Variants in METTL4 observed in about 807,000 individuals in gnomAD.
METTL4 encodes the protein N(6)-adenine-specific methyltransferase METTL4.
METTL4 carries 40 observed loss-of-function variants against 54.0 expected under a neutral mutation model. The ratio of observed to expected loss-of-function variants is 0.74; its 90% confidence interval spans 0.58 to 0.96. The LOEUF is 0.96. Among genes scored for constraint, METTL4 ranks in the 50% least tolerant of loss-of-function variants. The pLI, the probability that METTL4 is intolerant of heterozygous loss-of-function variation, is 0.00. For synonymous variants in METTL4, 169 were observed against 183.8 expected, an observed-to-expected ratio of 0.92 and a Z score of 0.65; for missense variants, 525 against 549.0, an observed-to-expected ratio of 0.96 and a Z score of 0.44.
intron 3 of METTL4, among the ~76,000 whole-genome samples, chr18:2,558,145 G>T (rs932166362): frequency 6.6e-6 from 1 of 152,008 alleles, no homozygotes; most frequent in African/African-American, 2.4e-5. Flanking sequence ...TTTTTGGAAA[G>T]AATATGTATA....
At chr18:2,564,889 A>T (rs1226169980) in intron 2 of METTL4, among the ~76,000 whole-genome samples, 1 of 152,214 alleles carries the variant, frequency 6.6e-6, no homozygotes, top group East Asian at 1.9e-4. Context: ...TTATTATCTG[A>T]ATTACTTATA....
rs1008277949 is a variant in METTL4, at chr18:2,540,364, G to A, written c.1274-1219C>T. 1.1e-5 allele frequency: 11 copies of A among 980,332 alleles called. No homozygotes were observed. In the African/African-American group the frequency reaches 1.9e-4, roughly 17 times the overall value. The allele number at this position is 980,332 out of a possible 1,614,324, so 60.7% of individuals were successfully genotyped here. A position where few individuals can be genotyped will look rare whatever the true frequency, so the allele number is the denominator to read the frequency against. On this transcript the variant is annotated intron_variant, in intron 8 of 8. Transcript: ENST00000574538. ...TAATTGCTATGTAAGATTGCGCTTGGAAGAAATCTATCAAATTTAGGAATG... is the reference window on the plus strand; with the variant it reads ...TAATTGCTATGTAAGATTGCGCTTGAAAGAAATCTATCAAATTTAGGAATG...
chr18:2,562,772 G>A (rs1301282894), intron 3 of METTL4, among the ~76,000 whole-genome samples: 1 of 152,068 alleles, frequency 6.6e-6, no homozygotes, highest in Non-Finnish European at 1.5e-5. Context: ...CTGGGGGACG[G>A]GGGGATGGGG....
rs1277392475 is a variant in METTL4 at position 2,571,465 on chromosome 18, C to G, written c.-755G>C. ...GTTCCTGGGGTGACGCAGCTGGGCGCGACCAGCACGCAGCCTTCCAGCGAC... is the reference window on the plus strand; with the variant it reads ...GTTCCTGGGGTGACGCAGCTGGGCGGGACCAGCACGCAGCCTTCCAGCGAC... On this transcript the variant is annotated 5_prime_UTR_variant, in exon 1 of 9. Transcript: ENST00000574538. The G allele has an allele frequency of 3.3e-5, 5 of 152,212 alleles. No individual in the cohort carries two copies. The highest frequency in any genetic ancestry group is 3.3e-4 in the Admixed American group (5 of 15,284). 9.4% of individuals were successfully genotyped at this position (152,212 alleles called of 1,614,324 possible). A position where few individuals can be genotyped will look rare whatever the true frequency, so the allele number is the denominator to read the frequency against.
At chr18:2,554,624 C>T (rs753099772) in intron 4 of METTL4, 45 bp downstream of exon 4, 159 of 1,559,126 alleles carry the variant, frequency 1.0e-4, no homozygotes, top group Non-Finnish European at 1.2e-4. Flanking sequence ...TTTCAGCCCA[C>T]GGAAAAATTA....
intron 2 of METTL4, among the ~76,000 whole-genome samples, chr18:2,566,532 T>C (rs1191636162): frequency 1.3e-5 from 2 of 152,170 alleles, no homozygotes; most frequent in Non-Finnish European, 2.9e-5. Context: ...GTTTTTTGTT[T>C]GGCTTTTTGT....
In METTL4 at chr18:2,540,953, G is replaced by A. The variant is rs993878318; in HGVS notation, c.1274-1808C>T. 4 of 977,424 alleles carry A rather than the reference G, an allele frequency of 4.1e-6. No individual in the cohort carries two copies. The African/African-American group carries it at 5.3e-5, about 13-fold the overall frequency. 60.5% of individuals were successfully genotyped at this position (977,424 alleles called of 1,614,324 possible). A position where few individuals can be genotyped will look rare whatever the true frequency, so the allele number is the denominator to read the frequency against. ...ATCAGTGTTATAAAACTTAAACAAA[G>A]GAAGCAGAATATCCATGTTTTATGA... On this transcript the variant is annotated intron_variant, in intron 8 of 8. Coordinates refer to ENST00000574538, the MANE Select transcript of METTL4 (RefSeq NM_022840.5).
rs769246209 is a variant in METTL4 at position 2,547,370 on chromosome 18, C to T, written c.1059G>A (p.Glu353=). The part of the protein sequence containing the change: ...YPSWSVEVVA[E]WHWVKITNSG... Reference sequence around the variant, plus strand: ...CTGAACTTACTTTTACCCAGTGCCACTCAGCAACTACCTCCACAGACCAAG... The same window carrying T: ...CTGAACTTACTTTTACCCAGTGCCATTCAGCAACTACCTCCACAGACCAAG... Residue 353 remains glutamate (E), a synonymous_variant, in exon 6 of 9, where the codon GAG becomes GAA. Transcript: ENST00000574538. The T allele has an allele frequency of 6.3e-7, 1 of 1,578,854 alleles. No individual in the cohort carries two copies. Among genetic ancestry groups the T allele is most frequent in the Non-Finnish European group, 8.6e-7 (1 of 1,165,830 alleles).
chr18:2,554,761 T>A lies in METTL4; in HGVS notation c.737A>T (p.Lys246Ile). ...RVVENNSSFT[K>I]VITLMGQKYL... The stretch of plus-strand genomic sequence containing the variant: ...TTTCTGTCCCATTAAAGTAATCACT[T>A]TTGTAAAGCTAGAGTTGTTTTCAAC... Residue 246 changes from lysine (K) to isoleucine (I), a missense_variant, in exon 4 of 9, where the codon AAA becomes ATA. Coordinates refer to ENST00000574538, the MANE Select transcript of METTL4 (RefSeq NM_022840.5). 2 of 1,613,716 alleles carry A rather than the reference T, an allele frequency of 1.2e-6. No individual in the cohort carries two copies. The highest frequency in any genetic ancestry group is 1.7e-6 in the Non-Finnish European group (2 of 1,179,820).
intron 1 of METTL4, among the ~76,000 whole-genome samples, chr18:2,570,733 G>T (rs1231759081): frequency 6.6e-6 from 1 of 152,100 alleles, no homozygotes; most frequent in East Asian, 1.9e-4. Context: ...GAAACTCAGA[G>T]CAGAAAGGCA....
intron 6 of METTL4, among the ~76,000 whole-genome samples, chr18:2,546,664 G>C (rs898615083): frequency 6.6e-6 from 1 of 152,102 alleles, no homozygotes; most frequent in African/African-American, 2.4e-5. Context: ...GGCGTTTATA[G>C]AAATCATCTA....
At chr18:2,564,927 C>G (rs1376974157) in intron 2 of METTL4, among the ~76,000 whole-genome samples, 1 of 152,082 alleles carries the variant, frequency 6.6e-6, no homozygotes, top group Non-Finnish European at 1.5e-5. Flanking sequence ...ACTAAGACCT[C>G]GGACAATGCT....
Position 2,567,173 on chromosome 18 carries a change from T to C in METTL4, c.44A>G (p.His15Arg). ...GTTTATCTTGTTGATAAAAGAAAGA[T>C]GATCCAGTAACCACCCAGCTGACAA... ...HQLSAGWLLD[H>R]LSFINKINYQ... Residue 15 changes from histidine to arginine, a missense_variant, in exon 2 of 9, where the codon CAT becomes CGT. Coordinates refer to ENST00000574538, the MANE Select transcript of METTL4 (RefSeq NM_022840.5). The C allele has an allele frequency of 1.2e-6, 2 of 1,613,538 alleles. No individual in the cohort carries two copies. The highest frequency in any genetic ancestry group is 1.1e-5 in the South Asian group (1 of 90,976).
At chr18:2,562,363 A>G (rs1598354641) in intron 3 of METTL4, 1 of 152,366 alleles carries the variant, frequency 6.6e-6, no homozygotes, top group East Asian at 1.9e-4. Context: ...ACACGGTGAG[A>G]CCCTGTCTCA....
intron 5 of METTL4, 48 bp downstream of exon 5, chr18:2,552,647 A>T (rs765833694): frequency 8.1e-7 from 1 of 1,235,644 alleles, no homozygotes; most frequent in Non-Finnish European, 1.2e-6. Context: ...TATAATGTAC[A>T]AAGGACTACA....
chr18:2,544,815 C>CCA (rs1310289066), intron 6 of METTL4, 56 bp from the exon 7 acceptor site: 30 of 1,072,966 alleles, frequency 2.8e-5, no homozygotes, highest in South Asian at 4.1e-5. Flanking sequence ...TATAGAGCTT[C>CCA]CACACACACA....
intron 2 of METTL4, among the ~76,000 whole-genome samples, chr18:2,566,056 AAT>A (rs2072410402): frequency 2.0e-4 from 19 of 95,984 alleles, no homozygotes; most frequent in Admixed American, 8.5e-4. Flanking sequence ...CAAATAAATA[AAT>A]AAATAAATAA....
rs761861713 is a variant in METTL4, at chr18:2,566,952, G to A, written c.265C>T (p.Arg89Ter). ...TTGGTGACATCAAACAGTTCAGGTCGAAAAACAAATTTTCGTGTGAACATT... is the reference window on the plus strand; with the variant it reads ...TTGGTGACATCAAACAGTTCAGGTCAAAAAACAAATTTTCGTGTGAACATT... ...YEMFTRKFVF[R>*]PELFDVTKPY... Residue 89 changes from arginine (R) to a stop codon, truncating the protein, a stop_gained, in exon 2 of 9, where the codon CGA becomes TGA. Coordinates refer to ENST00000574538, the MANE Select transcript of METTL4 (RefSeq NM_022840.5). LOFTEE classifies it high-confidence loss of function. 14 of 1,614,028 alleles carry A rather than the reference G, an allele frequency of 8.7e-6. No homozygotes were observed. The highest frequency in any genetic ancestry group is 4.0e-5 in the African/African-American group (3 of 75,028).
chr18:2,544,780 A>C (rs761986479), intron 6 of METTL4, 21 bp from the exon 7 acceptor site: 1 of 1,529,306 alleles, frequency 6.5e-7, no homozygotes, highest in African/African-American at 1.4e-5. Flanking sequence ...GGAGCCAACA[A>C]AAGAGGGTTA....
Sources: gnomAD v4.1 joint callset for allele counts (sites outside exome capture counted in the v4.1 genomes callset) on GRCh38, gnomAD v4.1.1 for gene constraint, MANE v1.5 for transcripts, NCBI Gene and HGNC (gene_info 2026-07-23, HGNC 2026-07-21) for gene names.